The following FER1L6 variants were observed in gnomAD, a reference collection of about 807,000 sequenced individuals.
FER1L6 encodes the protein fer-1 like family member 6, also known as fer-1-like protein 6.
A neutral mutation model predicts 219.2 loss-of-function variants in FER1L6; 177 were observed. The observed-to-expected ratio is 0.81, with a 90% CI of 0.71 to 0.91. FER1L6 has a LOEUF of 0.91. Among genes scored for constraint, FER1L6 ranks in the 40% least tolerant of loss-of-function variants. The probability of loss-of-function intolerance (pLI) is 0.00; values close to 1 mark genes in which losing one functional copy is unlikely to be tolerated. For synonymous variants in FER1L6, 768 were observed against 824.3 expected (o/e 0.93, Z 1.17); for missense variants, 2,153 against 2,259.9 (o/e 0.95, Z 0.96).
intron 13 of FER1L6, among the ~76,000 whole-genome samples, chr8:124,004,499 A>G (rs915928699): frequency 2.6e-5 from 4 of 152,140 alleles, no homozygotes; most frequent in East Asian, 1.9e-4. Flanking sequence ...GGACTGAACC[A>G]TGACTACTCT....
intron 1 of FER1L6, among the ~76,000 whole-genome samples, chr8:123,949,045 G>A (rs1017233934): frequency 2.0e-5 from 3 of 152,150 alleles, no homozygotes; most frequent in African/African-American, 4.8e-5. Context: ...GAGATGTCCT[G>A]GGTTCCTCTG....
chr8:123,894,180 C>T (rs1007973858), intron 1 of FER1L6, among the ~76,000 whole-genome samples: 1 of 152,200 alleles, frequency 6.6e-6, no homozygotes, highest in Non-Finnish European at 1.5e-5. Context: ...TATCAAAGAA[C>T]TGAAACTCAC....
intron 33 of FER1L6, among the ~76,000 whole-genome samples, chr8:124,088,578 T>TATCACTACCATAGCTGAAA (rs1554646041): frequency 6.6e-6 from 1 of 151,928 alleles, no homozygotes; most frequent in East Asian, 2.0e-4. Flanking sequence ...AATCTCTTCC[T>TATCACTACCATAGCTGAAA]ATCACTACCA....
Position 123,952,466 on chromosome 8 carries a change from C to T in FER1L6, c.-7-3526C>T, listed in dbSNP as rs546823445. ...CGCAGTAGCTTTCACCCTGAGGAGA[C>T]CAGGTTGGTATGAGGGTTCCTGTGT... On this transcript the variant is annotated intron_variant, in intron 1 of 40. Coordinates refer to ENST00000522917, the MANE Select transcript of FER1L6 (RefSeq NM_001039112.2). 3.9e-5 allele frequency among the ~76,000 whole-genome samples: 6 copies of T among 152,258 alleles called. No homozygotes were observed. In the South Asian group the frequency reaches 1.2e-3, roughly 32 times the overall value.
At chr8:124,045,998 G>A in intron 21 of FER1L6, 97 bp downstream of exon 21, 1 of 1,447,512 alleles carries the variant, frequency 6.9e-7, no homozygotes, top group Non-Finnish European at 9.4e-7. Flanking sequence ...TCCTGACGCT[G>A]TGAGTGGTGA....
Position 124,097,352 on chromosome 8 carries a change from C to A in FER1L6, c.4777C>A (p.Pro1593Thr). Reference sequence around the variant, plus strand: ...TCCTGTTGACATCTCTCCAAGGCGACCCAAAGGGTATGTCAGCTGTAGCCC... The same window carrying A: ...TCCTGTTGACATCTCTCCAAGGCGAACCAAAGGGTATGTCAGCTGTAGCCC... ...GPPVDISPRR[P>T]KGYELRVTIW... is the part of the protein sequence containing the mutation. Residue 1593 changes from proline to threonine, a missense_variant, in exon 36 of 41, where the codon CCC becomes ACC. By Grantham distance (38) the Pro-to-Thr change is conservative (BLOSUM62 -1). Transcript: ENST00000522917. 1 of 1,610,844 alleles carries A rather than the reference C, an allele frequency of 6.2e-7. No homozygotes were observed. The highest frequency in any genetic ancestry group is 8.5e-7 in the Non-Finnish European group (1 of 1,177,554).
At chr8:124,063,718 G>A (rs1379426835) in intron 25 of FER1L6, among the ~76,000 whole-genome samples, 1 of 152,162 alleles carries the variant, frequency 6.6e-6, no homozygotes, top group Non-Finnish European at 1.5e-5. Context: ...TCAGCAAATG[G>A]GGAGAGAGAA....
intron 12 of FER1L6, among the ~76,000 whole-genome samples, chr8:123,998,578 G>T (rs1302178244): frequency 6.6e-6 from 1 of 152,094 alleles, no homozygotes; most frequent in Admixed American, 6.5e-5. Context: ...CCTGTGTTCA[G>T]TCAAGGACCA....
At position 123,908,449 on chromosome 8, in the gene FER1L6, T is replaced by C. The variant is rs150518120; in HGVS notation, c.-7-47543T>C. 6.1e-3 allele frequency among the ~76,000 whole-genome samples: 924 copies of C among 152,318 alleles called. 26 individuals carry two copies. The highest frequency in any genetic ancestry group is 0.053 in the Admixed American group (811 of 15,292). ...TTGCATTTTTAAGTCAATAGAACTT[T>C]AGAAAACAGTTTGTTTCCTCAGTAG... is the stretch of plus-strand genomic sequence containing the variant. On this transcript the variant is annotated intron_variant, in intron 1 of 40. Transcript: ENST00000522917.
intron 15 of FER1L6, chr8:124,015,877 G>T (rs763954938): frequency 6.6e-6 from 1 of 152,446 alleles, no homozygotes; most frequent in Non-Finnish European, 1.5e-5. Context: ...AAGCACCTTG[G>T]ACCCGAGGTC....
At position 123,942,097 on chromosome 8, in the gene FER1L6, T is replaced by C. The variant is rs150883780; in HGVS notation, c.-7-13895T>C. Among the ~76,000 whole-genome samples, 596 of 152,264 alleles carry C rather than the reference T, an allele frequency of 3.9e-3. 4 individuals are homozygous for C. The highest frequency in any genetic ancestry group is 0.014 in the African/African-American group (564 of 41,556). ...CCTTCCTTTGCATGTCTTTTTATGA[T>C]ACATAGGGAGTGGAGGATTGCAGCT... On this transcript the variant is annotated intron_variant, in intron 1 of 40. Coordinates refer to ENST00000522917, the MANE Select transcript of FER1L6 (RefSeq NM_001039112.2).
chr8:123,993,696 T>G (rs535405982), intron 12 of FER1L6, among the ~76,000 whole-genome samples: 1 of 152,000 alleles, frequency 6.6e-6, no homozygotes, highest in Non-Finnish European at 1.5e-5. Context: ...AGAGTAGGAG[T>G]CCCTGAGAGC....
At chr8:123,894,904 G>T (rs1246801967) in intron 1 of FER1L6, among the ~76,000 whole-genome samples, 2 of 152,152 alleles carry the variant, frequency 1.3e-5, no homozygotes, top group Non-Finnish European at 2.9e-5. Flanking sequence ...AGAAAACTGT[G>T]AGTCTATATT....
At chr8:123,975,027 A>T in intron 7 of FER1L6, 123 bp from the exon 8 acceptor site, 1 of 839,640 alleles carries the variant, frequency 1.2e-6, no homozygotes, top group Non-Finnish European at 1.7e-6. Context: ...AAAAACTGAG[A>T]TGATTTACCA....
chr8:124,022,064 A>T (rs1284563206), intron 17 of FER1L6, among the ~76,000 whole-genome samples: 1 of 152,250 alleles, frequency 6.6e-6, no homozygotes, highest in Non-Finnish European at 1.5e-5. Flanking sequence ...GACCTGTTTA[A>T]AAACGGCCCT....
chr8:123,933,274 T>C (rs1157532065), intron 1 of FER1L6, among the ~76,000 whole-genome samples: 1 of 152,204 alleles, frequency 6.6e-6, no homozygotes, highest in Non-Finnish European at 1.5e-5. Context: ...GCCCAGACCC[T>C]CCTCATCCTT....
At chr8:124,054,230 C>T (rs1820179151) in intron 22 of FER1L6, among the ~76,000 whole-genome samples, 2 of 152,140 alleles carry the variant, frequency 1.3e-5, no homozygotes, top group Admixed American at 6.5e-5. Flanking sequence ...GTGTTACCAC[C>T]CCTCTCTCCA....
chr8:123,988,114 C>CA (rs1200130926), intron 12 of FER1L6, among the ~76,000 whole-genome samples: 103 of 141,406 alleles, frequency 7.3e-4, no homozygotes, highest in African/African-American at 7.1e-4. Context: ...CAGCATGTCT[C>CA]AAAAAAAAAA....
intron 18 of FER1L6, 112 bp from the exon 19 acceptor site, chr8:124,035,165 C>A: frequency 1.7e-6 from 2 of 1,148,230 alleles, no homozygotes; most frequent in South Asian, 1.6e-5. Flanking sequence ...TTGAGAACTG[C>A]TCTCTGAACA....
Sources: gnomAD v4.1 joint callset for allele counts (sites outside exome capture counted in the v4.1 genomes callset) on GRCh38, gnomAD v4.1.1 for gene constraint, MANE v1.5 for transcripts, NCBI Gene and HGNC (gene_info 2026-07-23, HGNC 2026-07-21) for gene names.